The following RASGRP3 variants were observed in gnomAD, a reference collection of about 807,000 sequenced individuals.
The protein encoded by RASGRP3 is RAS guanyl releasing protein 3.
In RASGRP3, 54 loss-of-function variants were observed where a neutral mutation model predicts 82.7. That is an observed-to-expected ratio of 0.65 (90% CI 0.52 to 0.82). The LOEUF (loss-of-function observed/expected upper bound fraction) is 0.82. Ranked by LOEUF, RASGRP3 falls within the 40% of genes least tolerant of loss-of-function variation. RASGRP3 has a pLI of 0.00. For missense variants in RASGRP3, 861 were observed against 828.9 expected, an observed-to-expected ratio of 1.04 and a Z score of -0.48; for synonymous variants, 309 against 300.5, an observed-to-expected ratio of 1.03 and a Z score of -0.29.
chr2:33,512,884 A>G (rs74455510), intron 2 of RASGRP3, among the ~76,000 whole-genome samples: 1,629 of 152,330 alleles, frequency 0.011, 34 homozygotes, highest in African/African-American at 0.037. Context: ...GACACTATAG[A>G]GATTTAAAAA....
At chr2:33,490,901 G>A (rs1312062311) in intron 1 of RASGRP3, among the ~76,000 whole-genome samples, 1 of 152,206 alleles carries the variant, frequency 6.6e-6, no homozygotes, top group Non-Finnish European at 1.5e-5. Flanking sequence ...AGGTAGAGAC[G>A]TATTTGTTGA....
intron 13 of RASGRP3, among the ~76,000 whole-genome samples, chr2:33,549,350 ACATGAATATGCT>A (rs1408311132): frequency 2.6e-5 from 4 of 152,282 alleles, no homozygotes; most frequent in African/African-American, 9.6e-5. Flanking sequence ...ATGTGTGCTT[ACATGAATATGCT>A]CCTGCACACA....
chr2:33,477,228 A>G (rs2150927139), intron 1 of RASGRP3, among the ~76,000 whole-genome samples: 1 of 152,114 alleles, frequency 6.6e-6, no homozygotes, highest in Non-Finnish European at 1.5e-5. Context: ...ACTGTGTAGA[A>G]CTGTCTGCAA....
In RASGRP3 at chr2:33,558,282, C is replaced by A. The variant is rs1266164773; in HGVS notation, c.1651C>A (p.Pro551Thr). Residue 551 changes from proline to threonine, a missense_variant, in exon 16 of 18, where the codon CCC becomes ACC. Transcript: ENST00000403687. ...GGCCTGCAGGAGATTTGCCCGGGCGCCCTCCTTGAGCAGTGGTCATGGGTC... is the reference window on the plus strand; with the variant it reads ...GGCCTGCAGGAGATTTGCCCGGGCGACCTCCTTGAGCAGTGGTCATGGGTC... ...VLACRRFARA[P>T]SLSSGHGSLP... 6.2e-7 allele frequency: 1 copy of A among 1,613,648 alleles called. No homozygotes were observed. The highest frequency in any genetic ancestry group is 8.5e-7 in the Non-Finnish European group (1 of 1,179,812).
intron 1 of RASGRP3, among the ~76,000 whole-genome samples, chr2:33,483,818 T>C (rs1668141522): frequency 6.6e-6 from 1 of 152,176 alleles, no homozygotes; most frequent in African/African-American, 2.4e-5. Context: ...GTTGAATTGT[T>C]TCAAAATCAC....
Position 33,519,983 on chromosome 2 carries a change from G to A in RASGRP3, c.205G>A (p.Glu69Lys), listed in dbSNP as rs866243572. 6.2e-7 allele frequency: 1 copy of A among 1,610,172 alleles called. No individual in the cohort carries two copies. Among genetic ancestry groups the A allele is most frequent in the Non-Finnish European group, 8.5e-7 (1 of 1,178,180 alleles). Reference sequence around the variant, plus strand: ...AAATGCCACTGGAGAAAGCTGCAATGAATTTCGATTAAAGATCTGCTACTT... The same window carrying A: ...AAATGCCACTGGAGAAAGCTGCAATAAATTTCGATTAAAGATCTGCTACTT... The part of the protein sequence containing the change: ...YRNATGESCN[E>K]FRLKICYFMR... The change falls in exon 5 of 18, where the codon GAA becomes AAA. Residue 69 changes from glutamate to lysine, a missense_variant. Coordinates refer to ENST00000403687, the MANE Select transcript of RASGRP3 (RefSeq NM_001139488.2).
At chr2:33,527,047 C>A (rs540782363) in intron 9 of RASGRP3, 90 bp from the exon 10 acceptor site, 1 of 1,345,106 alleles carries the variant, frequency 7.4e-7, no homozygotes, top group Non-Finnish European at 1.0e-6. Context: ...TTCTCAGTAG[C>A]TGAGGAATTT....
rs567055102 is a variant in RASGRP3 at position 33,480,343 on chromosome 2, C to A, written c.-261+3636C>A. ...CAGGCGTGAGCCACTGCGCCCAGCC[C>A]GCATGAAAGAAGAATTTTTAATCTT... On this transcript the variant is annotated intron_variant, in intron 1 of 17. Coordinates refer to ENST00000403687, the MANE Select transcript of RASGRP3 (RefSeq NM_001139488.2). Among the ~76,000 whole-genome samples the A allele has an allele frequency of 3.9e-5, 6 of 152,192 alleles. No homozygotes were observed. The South Asian group carries it at 1.2e-3, about 32-fold the overall frequency.
intron 1 of RASGRP3, among the ~76,000 whole-genome samples, chr2:33,439,229 AAAAGGG>A (rs1665090361): frequency 6.6e-6 from 1 of 152,198 alleles, no homozygotes; most frequent in African/African-American, 2.4e-5. Context: ...TTAAGTTGAA[AAAAGGG>A]AAGTATACAG....
chr2:33,548,217 T>C (rs565765834), intron 13 of RASGRP3, among the ~76,000 whole-genome samples: 5 of 151,562 alleles, frequency 3.3e-5, no homozygotes, highest in Non-Finnish European at 5.9e-5. Flanking sequence ...AAAAATTAGC[T>C]GGGCGCAGTG....
intron 1 of RASGRP3, among the ~76,000 whole-genome samples, chr2:33,498,352 G>C (rs1037158362): frequency 6.6e-6 from 1 of 152,174 alleles, no homozygotes; most frequent in Non-Finnish European, 1.5e-5. Flanking sequence ...CAGTTAGAAA[G>C]TTCAAGAGTT....
chr2:33,530,098 G>A (rs538161085), intron 10 of RASGRP3, among the ~76,000 whole-genome samples: 1 of 152,306 alleles, frequency 6.6e-6, no homozygotes, highest in Admixed American at 6.5e-5. Context: ...ATTTTAGGAA[G>A]CACACACATA....
chr2:33,475,667 G>A (rs1006151398), upstream of RASGRP3, among the ~76,000 whole-genome samples: 5 of 152,278 alleles, frequency 3.3e-5, no homozygotes, highest in African/African-American at 4.8e-5. Context: ...CAGACACTAC[G>A]TAAAGTCAGA....
intron 1 of RASGRP3, among the ~76,000 whole-genome samples, chr2:33,509,160 G>A (rs1282375075): frequency 6.6e-6 from 1 of 152,182 alleles, no homozygotes; most frequent in Non-Finnish European, 1.5e-5. Context: ...CAGCACTTGG[G>A]GAGGCTGAGG....
At chr2:33,442,824 A>G (rs903130410) in intron 1 of RASGRP3, among the ~76,000 whole-genome samples, 1 of 152,126 alleles carries the variant, frequency 6.6e-6, no homozygotes, top group Non-Finnish European at 1.5e-5. Context: ...TTATTCATGT[A>G]GCGATTTCAG....
rs1674490729 is a variant in RASGRP3, at chr2:33,543,814, G to A, written c.1394+187G>A. Among the ~76,000 whole-genome samples the A allele has an allele frequency of 2.0e-5, 3 of 152,074 alleles. No individual in the cohort carries two copies. The South Asian group carries it at 6.2e-4, about 32-fold the overall frequency. On this transcript the variant is annotated intron_variant, in intron 13 of 17. Transcript: ENST00000403687. ...GAACATGACCTGAATGGAATCACAGGGAAGACCATGTTGTCAGTGTTGAAC... is the reference window on the plus strand; with the variant it reads ...GAACATGACCTGAATGGAATCACAGAGAAGACCATGTTGTCAGTGTTGAAC...
chr2:33,514,697 A>C (rs1671280123), intron 2 of RASGRP3, among the ~76,000 whole-genome samples: 1 of 152,044 alleles, frequency 6.6e-6, no homozygotes, highest in South Asian at 2.1e-4. Context: ...TGTCTCAAAA[A>C]CAAGAACAAA....
At chr2:33,550,016 G>C (rs1675212176) in intron 14 of RASGRP3, among the ~76,000 whole-genome samples, 1 of 152,206 alleles carries the variant, frequency 6.6e-6, no homozygotes, top group African/African-American at 2.4e-5. Flanking sequence ...CCAGGGAAAA[G>C]TGTCAGCCCA....
chr2:33,524,493 G>A lies in RASGRP3; in HGVS notation c.752G>A (p.Ser251Asn). The change falls in exon 9 of 18, where the codon AGT becomes AAT. Residue 251 changes from serine (S) to asparagine (N), a missense_variant. Ser to Asn is a conservative substitution (Grantham distance 46). Coordinates refer to ENST00000403687, the MANE Select transcript of RASGRP3 (RefSeq NM_001139488.2). ...LMAVVGGLSH[S>N]SISRLKETHS... ...GCAGTGGTGGGAGGCCTCAGTCATA[G>A]TTCCATTTCACGCCTCAAAGAGACC... is the stretch of plus-strand genomic sequence containing the variant. 1 of 1,606,240 alleles carries A rather than the reference G, an allele frequency of 6.2e-7. No individual in the cohort carries two copies. Among genetic ancestry groups the A allele is most frequent in the Non-Finnish European group, 8.5e-7 (1 of 1,176,176 alleles).
Sources: allele counts gnomAD v4.1 joint callset (sites outside exome capture counted in the v4.1 genomes callset), GRCh38; gene constraint gnomAD v4.1.1; transcripts MANE v1.5; gene names NCBI Gene and HGNC (gene_info 2026-07-23, HGNC 2026-07-21).